Variants in SCHIP1 observed in about 807,000 individuals in gnomAD.
The protein encoded by SCHIP1 is schwannomin interacting protein 1.
Under a neutral mutation model 29.7 loss-of-function variants are expected in SCHIP1, and 8 were observed. That is an observed-to-expected ratio of 0.27 (90% confidence interval 0.16 to 0.49). The LOEUF (loss-of-function observed/expected upper bound fraction) is 0.49, where lower values mean the gene tolerates loss of function less well. Ranked by LOEUF, SCHIP1 falls within the 20% of genes least tolerant of loss-of-function variation. The pLI is 0.99. For missense variants in SCHIP1, 193 were observed against 294.6 expected, an observed-to-expected ratio of 0.66 and a Z score of 2.52; for synonymous variants, 76 against 94.9, an observed-to-expected ratio of 0.80 and a Z score of 1.16.
At chr3:159,790,059 C>G in the SCHIP1 span, among the ~76,000 whole-genome samples, 125 of 152,280 alleles carry the variant, frequency 8.2e-4, no homozygotes, top group Middle Eastern at 3.4e-3. Context: ...CCCAAGGCCC[C>G]CCTCTACCTG....
chr3:159,606,065 C>G, the SCHIP1 span, among the ~76,000 whole-genome samples: 1 of 152,110 alleles, frequency 6.6e-6, no homozygotes, highest in African/African-American at 2.4e-5. Flanking sequence ...ATGAATCTCC[C>G]CAGGTAGTTC....
chr3:159,886,490 T>C (rs187336155), intron 3 of SCHIP1, 166 bp downstream of exon 4: 23 of 597,784 alleles, frequency 3.8e-5, no homozygotes, highest in Non-Finnish European at 6.7e-5. Context: ...AAAGTCAAAG[T>C]TGTAATAAAA....
chr3:159,570,216 C>T, the SCHIP1 span, among the ~76,000 whole-genome samples: 1 of 152,154 alleles, frequency 6.6e-6, no homozygotes. Context: ...GAAGTCCTTG[C>T]CCATGCCTAT....
intron 5 of SCHIP1, 30 bp from the exon 7 acceptor site, chr3:159,892,067 T>C: frequency 6.2e-7 from 1 of 1,601,784 alleles, no homozygotes; most frequent in South Asian, 1.1e-5. Flanking sequence ...CAGTTTTATC[T>C]GTTTTTAAAT....
chr3:159,545,666 GTA>G, the SCHIP1 span, among the ~76,000 whole-genome samples: 1 of 146,044 alleles, frequency 6.8e-6, no homozygotes, highest in African/African-American at 2.5e-5. Context: ...AGATATATAT[GTA>G]TATAATATAT....
the SCHIP1 span, among the ~76,000 whole-genome samples, chr3:159,717,169 T>G: frequency 3.3e-5 from 5 of 152,330 alleles, no homozygotes; most frequent in African/African-American, 1.2e-4. Flanking sequence ...AATAAAGATG[T>G]TCTTTGAAAC....
At chr3:159,721,831 T>C in the SCHIP1 span, 4 of 395,532 alleles carry the variant, frequency 1.0e-5, no homozygotes, top group Middle Eastern at 6.7e-4. Flanking sequence ...TTATTTTTTA[T>C]TTTAGCATTG....
the SCHIP1 span, among the ~76,000 whole-genome samples, chr3:159,427,033 C>T: frequency 2.0e-5 from 3 of 152,162 alleles, no homozygotes; most frequent in Non-Finnish European, 4.4e-5. Context: ...TGGGACGTAT[C>T]TCAAAATAAT....
At chr3:159,725,343 C>T in the SCHIP1 span, among the ~76,000 whole-genome samples, 1 of 150,738 alleles carries the variant, frequency 6.6e-6, no homozygotes, top group Non-Finnish European at 1.5e-5. Context: ...GATCTCAGCT[C>T]ACTGCAACCT....
chr3:159,331,659 T>C, the SCHIP1 span, among the ~76,000 whole-genome samples: 1 of 152,318 alleles, frequency 6.6e-6, no homozygotes, highest in East Asian at 1.9e-4. Context: ...ATTTCATCTC[T>C]TCAAAGATCC....
At chr3:159,317,357 C>T in the SCHIP1 span, among the ~76,000 whole-genome samples, 1 of 152,156 alleles carries the variant, frequency 6.6e-6, no homozygotes, top group African/African-American at 2.4e-5. Context: ...GTGTTCCTCC[C>T]TCTGGAACTA....
At chr3:159,420,433 G>GA in the SCHIP1 span, among the ~76,000 whole-genome samples, 1 of 152,234 alleles carries the variant, frequency 6.6e-6, no homozygotes, top group Admixed American at 6.5e-5. Flanking sequence ...TTCACCAGGT[G>GA]AAGGGAATAG....
chr3:159,764,193 T>A, the SCHIP1 span: 1 of 448,890 alleles, frequency 2.2e-6, no homozygotes, highest in Non-Finnish European at 3.9e-6. The surrounding 1 kb of genome is among the most constrained non-coding windows in gnomAD (Gnocchi z 6.1). Context: ...GTGTGCGCGC[T>A]GGTGGCTGGG....
At chr3:159,566,491 T>C in the SCHIP1 span, among the ~76,000 whole-genome samples, 1 of 152,046 alleles carries the variant, frequency 6.6e-6, no homozygotes, top group Admixed American at 6.6e-5. Flanking sequence ...ATAAATAGAA[T>C]GTACATTATG....
chr3:159,692,330 G>A, the SCHIP1 span, among the ~76,000 whole-genome samples: 190 of 152,270 alleles, frequency 1.2e-3, no homozygotes, highest in African/African-American at 4.5e-3. Flanking sequence ...TTCCAACTTG[G>A]TTGATTCTCC....
the SCHIP1 span, among the ~76,000 whole-genome samples, chr3:159,650,321 G>A: frequency 1.3e-5 from 2 of 152,132 alleles, no homozygotes; most frequent in Non-Finnish European, 2.9e-5. Flanking sequence ...TAATTTACTT[G>A]TGCTAATTAT....
At chr3:159,600,569 A>G in the SCHIP1 span, among the ~76,000 whole-genome samples, 1 of 152,220 alleles carries the variant, frequency 6.6e-6, no homozygotes, top group African/African-American at 2.4e-5. Flanking sequence ...TCACTTTAGT[A>G]AATTTCTCAT....
chr3:159,571,964 G>T, the SCHIP1 span, among the ~76,000 whole-genome samples: 6 of 152,126 alleles, frequency 3.9e-5, no homozygotes, highest in African/African-American at 1.4e-4. Flanking sequence ...TGTGGGATCG[G>T]TGGTGATATC....
chr3:159,395,519 G>A, the SCHIP1 span, among the ~76,000 whole-genome samples: 4 of 151,296 alleles, frequency 2.6e-5, no homozygotes, highest in Admixed American at 2.0e-4. Flanking sequence ...GGTATGTTGT[G>A]TCTTTGTTCT....
Sources: allele counts gnomAD v4.1 joint callset (sites outside exome capture counted in the v4.1 genomes callset), GRCh38; gene constraint gnomAD v4.1.1; non-coding constraint Gnocchi (gnomAD v3.1); transcripts MANE v1.5; gene names NCBI Gene and HGNC (gene_info 2026-07-23, HGNC 2026-07-21).